The following LARP4B variants were observed in gnomAD, a reference collection of about 807,000 sequenced individuals.
LARP4B encodes la-related protein 4B.
A neutral mutation model predicts 89.8 loss-of-function variants in LARP4B; 12 were observed. That is an observed-to-expected ratio of 0.13 (90% CI 0.09 to 0.22). LARP4B has a LOEUF of 0.22. Ranked by LOEUF, LARP4B falls within the 10% of genes least tolerant of loss-of-function variation. The pLI, the probability that LARP4B is intolerant of heterozygous loss-of-function variation, is 1.00. For synonymous variants in LARP4B, 367 were observed against 363.3 expected (o/e 1.01, Z -0.12); for missense variants, 757 against 947.7 (o/e 0.80, Z 2.64).
chr10:899,136 T>C (rs573092422), intron 1 of LARP4B, among the ~76,000 whole-genome samples: 1 of 152,330 alleles, frequency 6.6e-6, no homozygotes, highest in African/African-American at 2.4e-5. Flanking sequence ...TAAATATTTC[T>C]CTTTTTATAC....
At chr10:967,945 G>T in the LARP4B span, among the ~76,000 whole-genome samples, 1 of 152,052 alleles carries the variant, frequency 6.6e-6, no homozygotes, top group Non-Finnish European at 1.5e-5. Context: ...CAGGCGATCC[G>T]CCCGCCTCAG....
chr10:826,125 G>C (rs1832609610), intron 11 of LARP4B, among the ~76,000 whole-genome samples: 1 of 152,240 alleles, frequency 6.6e-6, no homozygotes, highest in Non-Finnish European at 1.5e-5. Flanking sequence ...CAGGCACTGA[G>C]AGGAAAGACG....
intron 17 of LARP4B, among the ~76,000 whole-genome samples, chr10:813,687 A>G (rs559376448): frequency 6.6e-6 from 1 of 152,402 alleles, no homozygotes; most frequent in East Asian, 1.9e-4. Flanking sequence ...AGGACTGGAA[A>G]TATCTAAGAA....
At chr10:887,790 G>A (rs747655366) in intron 1 of LARP4B, among the ~76,000 whole-genome samples, 15 of 151,774 alleles carry the variant, frequency 9.9e-5, no homozygotes, top group South Asian at 2.1e-4. Flanking sequence ...CTGGGAGGCC[G>A]AGGAGGGCAG....
At chr10:922,077 G>C (rs1836994739) in intron 1 of LARP4B, among the ~76,000 whole-genome samples, 1 of 152,128 alleles carries the variant, frequency 6.6e-6, no homozygotes, top group Admixed American at 6.5e-5. Flanking sequence ...AGAGCGGAGG[G>C]GTCAGGGGGT....
chr10:812,916 C>T lies in LARP4B; in HGVS notation c.*10G>A, dbSNP rs1488595101. 5 of 1,526,132 alleles carry T rather than the reference C, an allele frequency of 3.3e-6. No homozygotes were observed. The highest frequency in any genetic ancestry group is 2.3e-5 in the Admixed American group (1 of 44,018). The allele number at this position is 1,526,132 out of a possible 1,614,324, so 94.5% of individuals were successfully genotyped here. On this transcript the variant is annotated 3_prime_UTR_variant, in exon 18 of 18. Transcript: ENST00000316157. Reference sequence around the variant, plus strand: ...ACAGCGCTCTGCGACCCCTCCCAGACGTACGGTTTTCACTGAGGAGACTTG... The same window carrying T: ...ACAGCGCTCTGCGACCCCTCCCAGATGTACGGTTTTCACTGAGGAGACTTG...
chr10:890,073 AC>A, intron 1 of LARP4B, among the ~76,000 whole-genome samples: 1 of 152,356 alleles, frequency 6.6e-6, no homozygotes, highest in East Asian at 1.9e-4. Context: ...TTGTTATTTA[AC>A]CCAGGTATCT....
chr10:887,090 TCA>T (rs35099061), intron 1 of LARP4B, among the ~76,000 whole-genome samples: 23,934 of 148,512 alleles, frequency 0.16, 2,014 homozygotes, highest in Non-Finnish European at 0.19. Context: ...TCCACCTCAC[TCA>T]CACACACACA....
At chr10:862,188 T>C (rs771881943) in intron 5 of LARP4B, among the ~76,000 whole-genome samples, 5 of 151,538 alleles carry the variant, frequency 3.3e-5, no homozygotes, top group Non-Finnish European at 5.9e-5. Context: ...GGCTTAATTT[T>C]TGTACCTTTA....
intron 1 of LARP4B, among the ~76,000 whole-genome samples, chr10:903,054 T>G (rs1196322665): frequency 6.6e-6 from 1 of 152,220 alleles, no homozygotes; most frequent in Non-Finnish European, 1.5e-5. Context: ...CATCAGCATT[T>G]TATTCCATTA....
chr10:951,811 C>G, the LARP4B span, among the ~76,000 whole-genome samples: 1 of 133,408 alleles, frequency 7.5e-6, no homozygotes, highest in East Asian at 1.9e-4. Flanking sequence ...CAGCCCAGAA[C>G]CAACTGCATA....
chr10:882,016 G>C (rs2131919572), intron 3 of LARP4B, among the ~76,000 whole-genome samples: 1 of 152,256 alleles, frequency 6.6e-6, no homozygotes, highest in South Asian at 2.1e-4. Context: ...CCACAGAAGG[G>C]AACAGAATGT....
intron 3 of LARP4B, among the ~76,000 whole-genome samples, chr10:872,042 C>G (rs557092479): frequency 6.6e-6 from 1 of 152,332 alleles, no homozygotes; most frequent in South Asian, 2.1e-4. Flanking sequence ...TGAGTTACAG[C>G]TCTCACTTTC....
At chr10:957,434 G>C in the LARP4B span, among the ~76,000 whole-genome samples, 4 of 152,198 alleles carry the variant, frequency 2.6e-5, no homozygotes, top group East Asian at 7.7e-4. Context: ...CCAAAGTGCT[G>C]GGATTACAGG....
At chr10:880,851 A>G (rs887174154) in intron 3 of LARP4B, among the ~76,000 whole-genome samples, 1 of 152,218 alleles carries the variant, frequency 6.6e-6, no homozygotes, top group Admixed American at 6.5e-5. Context: ...AATTTAACAT[A>G]AACACTTCTA....
chr10:908,661 A>C (rs1165031695), intron 1 of LARP4B, among the ~76,000 whole-genome samples: 4 of 152,260 alleles, frequency 2.6e-5, no homozygotes, highest in Non-Finnish European at 5.9e-5. Flanking sequence ...CTTGGTGACC[A>C]GCGGTCACAG....
At chr10:914,798 G>GC (rs1588986657) in intron 1 of LARP4B, among the ~76,000 whole-genome samples, 2 of 146,336 alleles carry the variant, frequency 1.4e-5, no homozygotes, top group Non-Finnish European at 3.0e-5. Flanking sequence ...TAGACTCAGC[G>GC]CCCCACCCGC....
At chr10:935,722 C>CTTTTTTT (rs10711022), upstream of LARP4B, among the ~76,000 whole-genome samples, 12 of 83,910 alleles carry the variant, frequency 1.4e-4, no homozygotes, top group East Asian at 3.4e-4. Context: ...CTTTTCTTTT[C>CTTTTTTT]TTTTTTTTTT....
chr10:846,623 G>A (rs1041742624), intron 5 of LARP4B, among the ~76,000 whole-genome samples: 3 of 152,160 alleles, frequency 2.0e-5, no homozygotes, highest in Middle Eastern at 3.2e-3. Flanking sequence ...CAAGGAGGAC[G>A]TTAAAGTAAC....
Sources: allele counts gnomAD v4.1 joint callset (sites outside exome capture counted in the v4.1 genomes callset), GRCh38; gene constraint gnomAD v4.1.1; transcripts MANE v1.5; gene names NCBI Gene and HGNC (gene_info 2026-07-23, HGNC 2026-07-21).